Variants in TCF4 observed in about 807,000 individuals in gnomAD.
TCF4 encodes the protein transcription factor 4, also known as SL3-3 enhancer factor 2.
TCF4 carries 3 observed loss-of-function variants against 82.1 expected under a neutral mutation model. That is an observed-to-expected ratio of 0.04 (90% CI 0.02 to 0.09). The LOEUF (loss-of-function observed/expected upper bound fraction) is 0.09, where lower values mean the gene tolerates loss of function less well. TCF4 is among the 10% of genes least tolerant of loss of function. The pLI, the probability that TCF4 is intolerant of heterozygous loss-of-function variation, is 1.00. For synonymous variants in TCF4, 276 were observed against 309.6 expected (o/e 0.89, Z 1.14); for missense variants, 518 against 852.7 (o/e 0.61, Z 4.89).
At position 55,412,769 on chromosome 18, in the gene TCF4, G is replaced by T. The variant is rs1357246252; in HGVS notation, c.305-9251C>A. The stretch of plus-strand genomic sequence containing the variant: ...TATTTTGGAATTTATTGGAAAATAT[G>T]AAGGAAATCAGCAGCCGCATTTCAC... On this transcript the variant is annotated intron_variant, in intron 5 of 19. Coordinates refer to ENST00000354452, the MANE Select transcript of TCF4 (RefSeq NM_001083962.2). 2.0e-5 allele frequency among the ~76,000 whole-genome samples: 3 copies of T among 152,292 alleles called. 1 individual carries two copies. Among genetic ancestry groups the T allele is most frequent in the Admixed American group, 2.0e-4 (3 of 15,286 alleles).
At chr18:55,279,496 T>A (rs2062095062) in intron 9 of TCF4, 55 bp downstream of exon 9, 1 of 1,612,026 alleles carries the variant, frequency 6.2e-7, no homozygotes, top group Admixed American at 1.7e-5. Flanking sequence ...TGACATTAAG[T>A]GACCCAGGAA....
chr18:55,277,404 G>A (rs2061659247), intron 9 of TCF4, among the ~76,000 whole-genome samples: 3 of 152,110 alleles, frequency 2.0e-5, no homozygotes, highest in Admixed American at 6.5e-5. Context: ...TACCCTGGGT[G>A]GCAATGCGTT....
chr18:55,587,830 T>C (rs1342716517), intron 1 of TCF4, among the ~76,000 whole-genome samples: 3 of 120,928 alleles, frequency 2.5e-5, no homozygotes, highest in Non-Finnish European at 5.0e-5. Flanking sequence ...CCTCGGTCCC[T>C]CCGAGGGGGC....
At chr18:55,327,974 C>T (rs987737610) in intron 8 of TCF4, among the ~76,000 whole-genome samples, 5 of 152,130 alleles carry the variant, frequency 3.3e-5, no homozygotes, top group Non-Finnish European at 7.4e-5. Flanking sequence ...CCATTATCTA[C>T]ATGAACATAA....
intron 3 of TCF4, among the ~76,000 whole-genome samples, chr18:55,472,912 T>C (rs879297471): frequency 2.6e-5 from 4 of 152,204 alleles, no homozygotes; most frequent in Non-Finnish European, 5.9e-5. Flanking sequence ...AAAAGGTAGA[T>C]ACTTTAGAAA....
intron 8 of TCF4, among the ~76,000 whole-genome samples, chr18:55,306,381 T>C (rs1003008334): frequency 1.3e-5 from 2 of 152,192 alleles, no homozygotes; most frequent in Admixed American, 1.3e-4. Flanking sequence ...TGATTCCAAA[T>C]GAATTCAAGA....
chr18:55,236,399 T>C (rs931185005), intron 15 of TCF4, among the ~76,000 whole-genome samples: 3 of 151,988 alleles, frequency 2.0e-5, no homozygotes, highest in Non-Finnish European at 4.4e-5. Flanking sequence ...CTTTGTAGAT[T>C]TCACTCACTG....
intron 11 of TCF4, chr18:55,267,384 G>C (rs2059418370): frequency 6.6e-6 from 1 of 152,162 alleles, no homozygotes; most frequent in Non-Finnish European, 1.5e-5. Context: ...ACTAACATCA[G>C]AAGAGAAAGC....
At position 55,222,936 on chromosome 18, in the gene TCF4, T is replaced by C. The variant is rs1469486438; in HGVS notation, c.*5099A>G. On this transcript the variant is annotated 3_prime_UTR_variant, in exon 20 of 20. Coordinates refer to ENST00000354452, the MANE Select transcript of TCF4 (RefSeq NM_001083962.2). ...CCAGAAGTGGTGGGGCGGATGTAGT[T>C]TGAGAAAGTATAAATACAGTGTTAA... 1.3e-5 allele frequency: 2 copies of C among 152,600 alleles called. No individual in the cohort carries two copies. Among genetic ancestry groups the C allele is most frequent in the African/African-American group, 2.4e-5 (1 of 41,446 alleles). 9.5% of individuals were successfully genotyped at this position (152,600 alleles called of 1,614,324 possible).
chr18:55,608,183 T>C (rs1421609836), intron 2 of TCF4, among the ~76,000 whole-genome samples: 1 of 152,160 alleles, frequency 6.6e-6, no homozygotes, highest in Non-Finnish European at 1.5e-5. Context: ...TTTCTTCTCC[T>C]TGATAACATT....
At chr18:55,560,535 G>A (rs752168362) in intron 3 of TCF4, among the ~76,000 whole-genome samples, 13 of 152,146 alleles carry the variant, frequency 8.5e-5, no homozygotes, top group Non-Finnish European at 1.6e-4. Flanking sequence ...TTAGGCAACT[G>A]ACATATGTGG....
chr18:55,297,668 G>A (rs192938791), intron 8 of TCF4, among the ~76,000 whole-genome samples: 1 of 152,012 alleles, frequency 6.6e-6, no homozygotes, highest in South Asian at 2.1e-4. Flanking sequence ...TCTGATTCAA[G>A]TGTGGTCTGA....
chr18:55,287,139 T>C (rs574854899), intron 8 of TCF4, among the ~76,000 whole-genome samples: 3 of 152,296 alleles, frequency 2.0e-5, no homozygotes, highest in African/African-American at 7.2e-5. Context: ...GTGTATGATA[T>C]TCATATTTCA....
At chr18:55,234,444 G>A in intron 16 of TCF4, 104 bp downstream of exon 16, 1 of 1,523,668 alleles carries the variant, frequency 6.6e-7, no homozygotes, top group Non-Finnish European at 9.1e-7. Context: ...TGATTCCTGG[G>A]TTTCTGCCAG....
intron 2 of TCF4, among the ~76,000 whole-genome samples, chr18:55,608,303 T>C (rs2097703978): frequency 6.6e-6 from 1 of 150,612 alleles, no homozygotes; most frequent in South Asian, 2.1e-4. Context: ...AAACTCCCAC[T>C]CCCAATAGCT....
chr18:55,292,947 A>C (rs1397972019), intron 8 of TCF4, among the ~76,000 whole-genome samples: 1 of 152,140 alleles, frequency 6.6e-6, no homozygotes, highest in Non-Finnish European at 1.5e-5. Flanking sequence ...ATTAAAATTA[A>C]AGGTTTATAA....
At chr18:55,257,057 A>C (rs536451748) in intron 14 of TCF4, among the ~76,000 whole-genome samples, 9 of 152,248 alleles carry the variant, frequency 5.9e-5, no homozygotes, top group South Asian at 2.1e-4. Context: ...GATGGGGAGA[A>C]GGCCATTGCC....
At chr18:55,617,145 T>G (rs1214574459) in intron 2 of TCF4, among the ~76,000 whole-genome samples, 1 of 152,120 alleles carries the variant, frequency 6.6e-6, no homozygotes, top group Non-Finnish European at 1.5e-5. Flanking sequence ...TCCAATGTCA[T>G]TCTTTTGTGT....
intron 6 of TCF4, among the ~76,000 whole-genome samples, chr18:55,363,054 A>T (rs1194789091): frequency 3.9e-5 from 6 of 152,228 alleles, no homozygotes; most frequent in Admixed American, 6.5e-5. Flanking sequence ...ATTCAAACAA[A>T]TTCCAAAGAG....
Sources: gnomAD v4.1 joint callset for allele counts (sites outside exome capture counted in the v4.1 genomes callset) on GRCh38, gnomAD v4.1.1 for gene constraint, MANE v1.5 for transcripts, NCBI Gene and HGNC (gene_info 2026-07-23, HGNC 2026-07-21) for gene names.